Variants in MCOLN1 observed in about 807,000 individuals in gnomAD.
The protein encoded by MCOLN1 is mucolipin TRP cation channel 1.
In MCOLN1, 50 loss-of-function variants were observed where a neutral mutation model predicts 70.3. The ratio of observed to expected loss-of-function variants is 0.71; its 90% CI spans 0.57 to 0.90. MCOLN1 has a LOEUF of 0.90. MCOLN1 is among the 40% of genes least tolerant of loss of function. The pLI, the probability that MCOLN1 is intolerant of heterozygous loss-of-function variation, is 0.00. For synonymous variants in MCOLN1, 366 were observed against 341.0 expected (o/e 1.07, Z -0.81); for missense variants, 598 against 803.5 (o/e 0.74, Z 3.09).
chr19:7,528,652 GTCCT>G lies in MCOLN1; in HGVS notation c.938_941del (p.Phe313SerfsTer58), dbSNP rs1568399463. On this transcript the variant is annotated frameshift_variant, in exon 8 of 14. Coordinates refer to ENST00000264079, the MANE Select transcript of MCOLN1 (RefSeq NM_020533.3). LOFTEE classifies it high-confidence loss of function. This position sits in a 1 kb window ranked among gnomAD's most constrained non-coding sequence, Gnocchi z 4.2. ...TGGTGGTCATCCTCACCTGCTCCCT[GTCCT>G]TCCTCCTCTGCGCCCGCTCACTCCT... is the stretch of plus-strand genomic sequence containing the variant. 1 of 1,614,210 alleles carries G rather than the reference GTCCT, an allele frequency of 6.2e-7. No homozygotes were observed.
chr19:7,526,316 C>A lies in MCOLN1; in HGVS notation c.238-123C>A. On this transcript the variant is annotated intron_variant, in intron 2 of 13. Transcript: ENST00000264079. This position sits in a 1 kb window ranked among gnomAD's most constrained non-coding sequence, Gnocchi z 4.6. The stretch of plus-strand genomic sequence containing the variant: ...GTGTTTGTGGCCCAAGTTAGCAGGG[C>A]CCTGCCCCACCCCAGTGGACATCTG... 1.7e-6 allele frequency: 2 copies of A among 1,157,252 alleles called. No individual in the cohort carries two copies. The highest frequency in any genetic ancestry group is 2.6e-6 in the Non-Finnish European group (2 of 767,650). 71.7% of individuals were successfully genotyped at this position (1,157,252 alleles called of 1,614,324 possible).
At chr19:7,527,682 C>T (rs886319569) in intron 5 of MCOLN1, 54 bp downstream of exon 5, 4 of 1,278,354 alleles carry the variant, frequency 3.1e-6, no homozygotes, top group Admixed American at 3.4e-5. Context: ...GCACACTAGG[C>T]ACTCTCACCC....
At position 7,528,508 on chromosome 19, in the gene MCOLN1, C is replaced by T. The variant is rs2022605154; in HGVS notation, c.878-89C>T. On this transcript the variant is annotated intron_variant, in intron 7 of 13. Coordinates refer to ENST00000264079, the MANE Select transcript of MCOLN1 (RefSeq NM_020533.3). The surrounding 1 kb of genome is among the most constrained non-coding windows in gnomAD (Gnocchi z 4.2). ...ACCAACCAAAACCAGCCGTGCAGCC[C>T]CCTAGGTCTCCAGCCTGGCCTGGCA... is the stretch of plus-strand genomic sequence containing the variant. The T allele has an allele frequency of 6.4e-7, 1 of 1,557,078 alleles. No individual in the cohort carries two copies. The highest frequency in any genetic ancestry group is 1.4e-5 in the African/African-American group (1 of 73,370).
At position 7,528,354 on chromosome 19, in the gene MCOLN1, TC is replaced by T; in HGVS notation, c.877+101del. The stretch of plus-strand genomic sequence containing the variant: ...TCAGCGCTGCCTGGGGGCCGTGACC[TC>T]CCCAGGAATCCGCTGAGCCTCAGAT... On this transcript the variant is annotated intron_variant, in intron 7 of 13. Coordinates refer to ENST00000264079, the MANE Select transcript of MCOLN1 (RefSeq NM_020533.3). The surrounding 1 kb of genome is among the most constrained non-coding windows in gnomAD (Gnocchi z 4.2). The T allele has an allele frequency of 8.5e-7, 1 of 1,180,244 alleles. No individual in the cohort carries two copies. Among genetic ancestry groups the T allele is most frequent in the Non-Finnish European group, 1.2e-6 (1 of 803,704 alleles). The allele number at this position is 1,180,244 out of a possible 1,614,324, so 73.1% of individuals were successfully genotyped here. A position where few individuals can be genotyped will look rare whatever the true frequency, so the allele number is the denominator to read the frequency against.
chr19:7,527,667 A>G, intron 5 of MCOLN1, 39 bp downstream of exon 5: 1 of 1,420,604 alleles, frequency 7.0e-7, no homozygotes, highest in Non-Finnish European at 1.0e-6. Context: ...AGGGTGGGGG[A>G]GGCAGCACAC....
intron 1 of MCOLN1, among the ~76,000 whole-genome samples, chr19:7,523,230 A>G (rs1272017942): frequency 6.6e-6 from 1 of 152,216 alleles, no homozygotes; most frequent in Non-Finnish European, 1.5e-5. Context: ...GATTGCCCCC[A>G]GGCGATTAAC....
rs2022538160 is a variant in MCOLN1, at chr19:7,524,456, G to T, written c.32-505G>T. ...TTGTCCAGACAAACCTAGAATACAG[G>T]CTGAGTTCTATGCTCATGTCTGGAA... On this transcript the variant is annotated intron_variant, in intron 1 of 13. Transcript: ENST00000264079. The surrounding 1 kb of genome is among the most constrained non-coding windows in gnomAD (Gnocchi z 4.1). Among the ~76,000 whole-genome samples, 1 of 152,168 alleles carries T rather than the reference G, an allele frequency of 6.6e-6. No individual in the cohort carries two copies. The highest frequency in any genetic ancestry group is 2.1e-4 in the South Asian group (1 of 4,826).
At chr19:7,530,109 C>T (rs1349002247) in intron 11 of MCOLN1, among the ~76,000 whole-genome samples, 177 bp from the exon 12 acceptor site, 1 of 151,770 alleles carries the variant, frequency 6.6e-6, no homozygotes, top group Non-Finnish European at 1.5e-5. Flanking sequence ...CGGCCATTCA[C>T]AGGGGCCCTA....
At chr19:7,530,610 T>A (rs576896492) in intron 12 of MCOLN1, 109 bp downstream of exon 12, 2 of 1,062,280 alleles carry the variant, frequency 1.9e-6, no homozygotes, top group Non-Finnish European at 1.4e-6. Context: ...CAGGAGAGAA[T>A]ATGGGAGACT....
intron 11 of MCOLN1, among the ~76,000 whole-genome samples, chr19:7,530,079 T>G (rs1035476296): frequency 4.7e-5 from 7 of 150,478 alleles, no homozygotes; most frequent in Non-Finnish European, 7.4e-5. Context: ...GCCATTCACG[T>G]GGGACCCCAG....
chr19:7,529,270 CA>C, intron 10 of MCOLN1, 68 bp downstream of exon 10: 1 of 1,413,152 alleles, frequency 7.1e-7, no homozygotes, highest in Non-Finnish European at 9.9e-7. Context: ...AATCCCTACA[CA>C]CGCAGCCCTC....
chr19:7,522,822 G>A, intron 1 of MCOLN1, 41 bp downstream of exon 1: 1 of 1,312,370 alleles, frequency 7.6e-7, no homozygotes, highest in Non-Finnish European at 9.7e-7. Flanking sequence ...GAACTCAGGC[G>A]GGCGGGCTGT....
Position 7,529,726 on chromosome 19 carries a change from CT to C in MCOLN1, c.1359+15del, listed in dbSNP as rs2022627426. On this transcript the variant is annotated intron_variant, in intron 11 of 13. Coordinates refer to ENST00000264079, the MANE Select transcript of MCOLN1 (RefSeq NM_020533.3). ...TATCATGTGAAGGTACATCTAACCC[CT>C]GATGTCCCTGACATTGACCCTGTGA... is the stretch of plus-strand genomic sequence containing the variant. 3.7e-6 allele frequency: 6 copies of C among 1,613,722 alleles called. No homozygotes were observed. The South Asian group carries it at 5.5e-5, about 15-fold the overall frequency.
Position 7,526,720 on chromosome 19 carries a change from A to T in MCOLN1, c.406-41A>T. On this transcript the variant is annotated intron_variant, in intron 3 of 13. Transcript: ENST00000264079. This position sits in a 1 kb window ranked among gnomAD's most constrained non-coding sequence, Gnocchi z 4.6. ...AGGTGCAGGTGGGTGGGCTGCAGAG[A>T]GCGGGCCGGACTCACAGGCCCTCCC... The T allele has an allele frequency of 6.2e-7, 1 of 1,609,848 alleles. No individual in the cohort carries two copies.
rs2060573973 is a variant in MCOLN1, at chr19:7,529,484, G to T, written c.1237-106G>T. ...CCCACTGGCTCCCATGACCACACCGGCTGTGCCCTCGGCAAGGCCCCGCCC... is the reference window on the plus strand; with the variant it reads ...CCCACTGGCTCCCATGACCACACCGTCTGTGCCCTCGGCAAGGCCCCGCCC... On this transcript the variant is annotated intron_variant, in intron 10 of 13. Transcript: ENST00000264079. 17 of 1,406,272 alleles carry T rather than the reference G, an allele frequency of 1.2e-5. No individual in the cohort carries two copies. In the South Asian group the frequency reaches 2.1e-4, roughly 17 times the overall value. 87.1% of individuals were successfully genotyped at this position (1,406,272 alleles called of 1,614,324 possible).
intron 11 of MCOLN1, 65 bp from the exon 12 acceptor site, chr19:7,530,208 ATGGGACCCCAGCC>A (rs2022635733): frequency 2.3e-6 from 3 of 1,299,886 alleles, no homozygotes; most frequent in Non-Finnish European, 3.3e-6. Flanking sequence ...AGCCATTTGC[ATGGGACCCCAGCC>A]TGACCCCAGC....
intron 12 of MCOLN1, among the ~76,000 whole-genome samples, chr19:7,532,025 CG>C (rs2022659686): frequency 1.3e-5 from 2 of 152,198 alleles, no homozygotes; most frequent in Non-Finnish European, 2.9e-5. Flanking sequence ...TTCCAGAAGC[CG>C]TGCTCCTAAC....
At chr19:7,527,238 C>A (rs1343527881) in intron 4 of MCOLN1, 4 of 543,926 alleles carry the variant, frequency 7.4e-6, no homozygotes, top group Non-Finnish European at 1.3e-5. Context: ...CGCTGCTGCA[C>A]TCCACCCTGG....
At chr19:7,527,050 G>A (rs968397980) in intron 4 of MCOLN1, 124 bp downstream of exon 4, 1 of 1,321,622 alleles carries the variant, frequency 7.6e-7, no homozygotes, top group Non-Finnish European at 1.1e-6. Flanking sequence ...TGAGGAGGAA[G>A]GATTGCTTGA....
Sources: gnomAD v4.1 joint callset for allele counts (sites outside exome capture counted in the v4.1 genomes callset) on GRCh38, gnomAD v4.1.1 for gene constraint, Gnocchi (gnomAD v3.1) non-coding constraint, MANE v1.5 for transcripts, NCBI Gene and HGNC (gene_info 2026-07-23, HGNC 2026-07-21) for gene names.